NCAM2: variants seen among roughly 807,000 people sequenced by gnomAD.
The protein encoded by NCAM2 is neural cell adhesion molecule 2.
A neutral mutation model predicts 98.1 loss-of-function variants in NCAM2; 30 were observed. The ratio of observed to expected loss-of-function variants is 0.31; its 90% CI spans 0.23 to 0.41. The LOEUF (loss-of-function observed/expected upper bound fraction) is 0.41. Among genes scored for constraint, NCAM2 ranks in the 10% least tolerant of loss-of-function variants. The pLI is 1.00. For synonymous variants in NCAM2, 368 were observed against 342.4 expected (o/e 1.07, Z -0.83); for missense variants, 867 against 1,005.8 (o/e 0.86, Z 1.87).
chr21:21,279,546 AC>A (rs199666979), intron 1 of NCAM2, among the ~76,000 whole-genome samples: 2,545 of 152,000 alleles, frequency 0.017, 67 homozygotes, highest in African/African-American at 0.058. Flanking sequence ...TTTAGTAGAG[AC>A]GGGGTTTCAC....
At chr21:21,242,843 A>C (rs1368300283) in intron 1 of NCAM2, among the ~76,000 whole-genome samples, 6 of 152,134 alleles carry the variant, frequency 3.9e-5, no homozygotes, top group African/African-American at 1.4e-4. Context: ...TGTTCTTAAC[A>C]TTTAAGTAGG....
chr21:21,000,100 C>T (rs1366942775), intron 1 of NCAM2, among the ~76,000 whole-genome samples: 3 of 152,148 alleles, frequency 2.0e-5, no homozygotes, highest in African/African-American at 7.2e-5. Flanking sequence ...TAGCCCAATT[C>T]GTTAATTCAG....
At chr21:21,254,501 T>C (rs1568838826) in intron 1 of NCAM2, among the ~76,000 whole-genome samples, 1 of 152,208 alleles carries the variant, frequency 6.6e-6, no homozygotes, top group East Asian at 1.9e-4. Context: ...TGTTGATCAA[T>C]TGACACACTT....
intron 1 of NCAM2, among the ~76,000 whole-genome samples, chr21:21,174,594 T>C (rs2068224144): frequency 6.6e-6 from 1 of 152,110 alleles, no homozygotes; most frequent in African/African-American, 2.4e-5. Flanking sequence ...TAAGTATAAA[T>C]TTTATTTTTA....
chr21:21,354,444 T>C (rs1319884850), intron 8 of NCAM2, among the ~76,000 whole-genome samples: 6 of 152,170 alleles, frequency 3.9e-5, no homozygotes, highest in Admixed American at 3.3e-4. Context: ...ACCCAAATGA[T>C]CAGTGAAATT....
chr21:21,525,668 C>G (rs935547615), intron 16 of NCAM2, among the ~76,000 whole-genome samples: 3 of 152,110 alleles, frequency 2.0e-5, no homozygotes, highest in Middle Eastern at 6.8e-3. Context: ...TCTATGAAGC[C>G]AGCATTACTG....
chr21:21,428,085 G>A (rs1244915183), intron 11 of NCAM2, among the ~76,000 whole-genome samples: 4 of 152,212 alleles, frequency 2.6e-5, no homozygotes, highest in Non-Finnish European at 5.9e-5. Flanking sequence ...GACATATCCA[G>A]TCTCTTAATC....
Position 21,477,305 on chromosome 21 carries a change from C to A in NCAM2, c.1911C>A (p.Asp637Glu), listed in dbSNP as rs1199652566. 1.3e-6 allele frequency: 2 copies of A among 1,597,118 alleles called. No homozygotes were observed. The highest frequency in any genetic ancestry group is 2.7e-5 in the African/African-American group (2 of 74,446). ...IVKYRSKDKE[D>E]QWLEKKVQGN... Reference sequence around the variant, plus strand: ...TGCTTTCACAGAAAGATAAGGAAGACCAATGGCTAGAGAAAAAAGTGCAAG... The same window carrying A: ...TGCTTTCACAGAAAGATAAGGAAGAACAATGGCTAGAGAAAAAAGTGCAAG... The change falls in exon 15 of 18, where the codon GAC (aspartate) becomes GAA (glutamate). Residue 637 changes from aspartate to glutamate, a missense_variant. Around this residue, in one of 5 missense-constraint regions of NCAM2, gnomAD observed 234 missense variants for 333.8 expected, o/e 0.70. Coordinates refer to ENST00000400546, the MANE Select transcript of NCAM2 (RefSeq NM_004540.5).
chr21:21,133,845 A>G lies in NCAM2; in HGVS notation c.55+135227A>G, dbSNP rs192225493. ...CTTTCACTGGAGGAATAGGAACAGG[A>G]TACCCATAGAGAAAACAATCCATCA... On this transcript the variant is annotated intron_variant, in intron 1 of 17. Transcript: ENST00000400546. Among the ~76,000 whole-genome samples the G allele has an allele frequency of 1.4e-3, 220 of 152,318 alleles. 3 individuals carry two copies. The highest frequency in any genetic ancestry group is 8.8e-5 in the Non-Finnish European group (6 of 68,022).
chr21:21,512,263 C>A (rs992087338), intron 16 of NCAM2, among the ~76,000 whole-genome samples: 3 of 151,902 alleles, frequency 2.0e-5, no homozygotes, highest in African/African-American at 7.2e-5. Context: ...TTGATTTGTT[C>A]TTTGTATATG....
intron 6 of NCAM2, among the ~76,000 whole-genome samples, chr21:21,331,517 C>CTCTCTCTCTCTCTCTCTCTCTA (rs1483062198): frequency 1.4e-4 from 1 of 6,938 alleles, no homozygotes; most frequent in East Asian, 2.3e-3. Context: ...CTCTCTCTCT[C>CTCTCTCTCTCTCTCTCTCTCTA]TATATATATA....
chr21:21,084,646 C>G lies in NCAM2; in HGVS notation c.55+86028C>G, dbSNP rs2065873182. Among the ~76,000 whole-genome samples, 3 of 152,224 alleles carry G rather than the reference C, an allele frequency of 2.0e-5. No individual in the cohort carries two copies. In the South Asian group the frequency reaches 6.2e-4, roughly 32 times the overall value. On this transcript the variant is annotated intron_variant, in intron 1 of 17. Coordinates refer to ENST00000400546, the MANE Select transcript of NCAM2 (RefSeq NM_004540.5). ...TAATAAAACATTAGAAATTCACTTT[C>G]ATTTTTGCATGTCATATATATGGAT...
At chr21:21,537,712 G>T in intron 17 of NCAM2, 134 bp from the exon 18 acceptor site, 2 of 422,102 alleles carry the variant, frequency 4.7e-6, no homozygotes, top group Non-Finnish European at 8.6e-6. Flanking sequence ...CTATAAAATA[G>T]TAACTTATTT....
chr21:21,098,865 C>T (rs1176490343), intron 1 of NCAM2, among the ~76,000 whole-genome samples: 1 of 151,690 alleles, frequency 6.6e-6, no homozygotes. Flanking sequence ...ATGCAGGCCA[C>T]AATTTTCAGC....
chr21:21,324,586 A>G lies in NCAM2; in HGVS notation c.737+86A>G, dbSNP rs2074463928. ...TGGGGATCTTAATCATTTTGGTAAA[A>G]AGCAAACCATTGCATTTTAGTTTCA... is the stretch of plus-strand genomic sequence containing the variant. On this transcript the variant is annotated intron_variant, in intron 6 of 17. Coordinates refer to ENST00000400546, the MANE Select transcript of NCAM2 (RefSeq NM_004540.5). 4 of 974,742 alleles carry G rather than the reference A, an allele frequency of 4.1e-6. No individual in the cohort carries two copies. In the South Asian group the frequency reaches 5.1e-5, roughly 12 times the overall value. The allele number at this position is 974,742 out of a possible 1,614,324, so 60.4% of individuals were successfully genotyped here. A position where few individuals can be genotyped will look rare whatever the true frequency, so the allele number is the denominator to read the frequency against.
chr21:21,428,472 T>G (rs1191906093), intron 11 of NCAM2, among the ~76,000 whole-genome samples: 1 of 152,186 alleles, frequency 6.6e-6, no homozygotes, highest in Non-Finnish European at 1.5e-5. Context: ...AGGGAAGTGA[T>G]GTGATCAGAG....
At chr21:21,300,043 G>A (rs1568904952) in intron 5 of NCAM2, among the ~76,000 whole-genome samples, 3 of 151,860 alleles carry the variant, frequency 2.0e-5, no homozygotes, top group Non-Finnish European at 4.4e-5. Flanking sequence ...TTTTATTGCT[G>A]TATTGGTATT....
At chr21:21,182,028 T>TA (rs746308686) in intron 1 of NCAM2, among the ~76,000 whole-genome samples, 2,879 of 122,278 alleles carry the variant, frequency 0.024, 80 homozygotes, top group African/African-American at 0.069. Flanking sequence ...CCACCATCTC[T>TA]AAAAAAAAAA....
At chr21:21,040,351 T>A (rs949886225) in intron 1 of NCAM2, among the ~76,000 whole-genome samples, 7 of 152,184 alleles carry the variant, frequency 4.6e-5, no homozygotes, top group African/African-American at 7.2e-5. Context: ...TCATTCTCTC[T>A]GACTGAATGA....
Sources: gnomAD v4.1 joint callset for allele counts (sites outside exome capture counted in the v4.1 genomes callset) on GRCh38, gnomAD v4.1.1 for gene constraint, gnomAD v4.1.1 regional missense constraint, MANE v1.5 for transcripts, NCBI Gene and HGNC (gene_info 2026-07-23, HGNC 2026-07-21) for gene names.